NCEH1: variants seen among roughly 807,000 people sequenced by gnomAD.
NCEH1 encodes the protein neutral cholesterol ester hydrolase 1.
NCEH1 carries 9 observed loss-of-function variants against 25.4 expected under a neutral mutation model. The observed-to-expected ratio is 0.35, with a 90% CI of 0.21 to 0.62. The LOEUF (loss-of-function observed/expected upper bound fraction) is 0.62. Among genes scored for constraint, NCEH1 ranks in the 20% least tolerant of loss-of-function variants. The pLI is 0.72. For synonymous variants in NCEH1, 200 were observed against 199.8 expected (o/e 1.00, Z -0.01); for missense variants, 412 against 501.1 (o/e 0.82, Z 1.70).
chr3:172,661,868 T>C lies in NCEH1; in HGVS notation c.139-13754A>G, dbSNP rs182957324. ...ATTTGCTTATCAGCTTAAGGAGATT[T>C]TGGGCTGAGATGATGGGGTTTTCTA... On this transcript the variant is annotated intron_variant, in intron 1 of 4. Coordinates refer to ENST00000475381, the MANE Select transcript of NCEH1 (RefSeq NM_020792.6). Among the ~76,000 whole-genome samples, 1,509 of 152,300 alleles carry C rather than the reference T, an allele frequency of 9.9e-3. 8 individuals carry two copies. The highest frequency in any genetic ancestry group is 0.015 in the Non-Finnish European group (1,013 of 68,010).
intron 2 of NCEH1, 120 bp downstream of exon 2, chr3:172,647,766 C>T (rs1295872009): frequency 3.3e-5 from 45 of 1,365,914 alleles, no homozygotes; most frequent in Admixed American, 6.6e-5. Flanking sequence ...TAACTGGGAC[C>T]ATCCAGGGGA....
intron 1 of NCEH1, among the ~76,000 whole-genome samples, chr3:172,676,193 T>C (rs949576785): frequency 1.3e-5 from 2 of 152,164 alleles, no homozygotes; most frequent in Non-Finnish European, 2.9e-5. Flanking sequence ...AGAGAGAGGC[T>C]AAAAGGAGTT....
intron 1 of NCEH1, among the ~76,000 whole-genome samples, chr3:172,659,849 T>C (rs1717886194): frequency 6.6e-6 from 1 of 152,304 alleles, no homozygotes; most frequent in African/African-American, 2.4e-5. Context: ...CCTTCAGCTC[T>C]TCCTCAACAG....
chr3:172,660,584 T>C (rs1336096270), intron 1 of NCEH1, among the ~76,000 whole-genome samples: 2 of 152,254 alleles, frequency 1.3e-5, no homozygotes, highest in Non-Finnish European at 2.9e-5. Context: ...TAGTTTACAC[T>C]TCCACCCACA....
chr3:172,662,618 T>G (rs1266428517), intron 1 of NCEH1, among the ~76,000 whole-genome samples: 2 of 152,252 alleles, frequency 1.3e-5, no homozygotes, highest in Non-Finnish European at 2.9e-5. Flanking sequence ...GTTGGTAGGC[T>G]ATTAATTATT....
intron 1 of NCEH1, among the ~76,000 whole-genome samples, chr3:172,687,795 GT>G (rs1171733029): frequency 6.6e-6 from 1 of 152,152 alleles, no homozygotes; most frequent in East Asian, 1.9e-4. Flanking sequence ...GTTAAAAAAT[GT>G]TTAATATGCA....
At chr3:172,706,907 G>GT (rs894801316) in intron 1 of NCEH1, among the ~76,000 whole-genome samples, 7 of 151,680 alleles carry the variant, frequency 4.6e-5, no homozygotes, top group Admixed American at 2.6e-4. Flanking sequence ...ACAAGTTTTT[G>GT]TTTTTTTTCT....
chr3:172,653,576 A>G (rs756507218), intron 1 of NCEH1, among the ~76,000 whole-genome samples: 14 of 152,172 alleles, frequency 9.2e-5, no homozygotes, highest in Admixed American at 5.9e-4. Flanking sequence ...TCAGAGAAGA[A>G]AGGAATTACC....
chr3:172,655,345 G>A (rs981249822), intron 1 of NCEH1, among the ~76,000 whole-genome samples: 11 of 152,182 alleles, frequency 7.2e-5, no homozygotes, highest in South Asian at 2.1e-4. Flanking sequence ...ACGCCTCAGT[G>A]GAACCGGACA....
rs1394387819 is a variant in NCEH1 at position 172,631,283 on chromosome 3, C to G, written c.*2192G>C. On this transcript the variant is annotated 3_prime_UTR_variant, in exon 5 of 5. Transcript: ENST00000475381. The stretch of plus-strand genomic sequence containing the variant: ...TTTCTTTTTCTTCGAGACAGACAAC[C>G]TCAAAATAAGGTCCAAATATTGGTT... 1 of 152,152 alleles carries G rather than the reference C, an allele frequency of 6.6e-6. No homozygotes were observed. The highest frequency in any genetic ancestry group is 2.4e-5 in the African/African-American group (1 of 41,428). The allele number at this position is 152,152 out of a possible 1,614,324, so 9.4% of individuals were successfully genotyped here.
chr3:172,648,034 G>A lies in NCEH1; in HGVS notation c.219C>T (p.Ser73=), dbSNP rs146916910. 110 of 1,614,016 alleles carry A rather than the reference G, an allele frequency of 6.8e-5. No individual in the cohort carries two copies. The highest frequency in any genetic ancestry group is 3.3e-4 in the Middle Eastern group (2 of 6,084). The change falls in exon 2 of 5, where the codon AGC becomes AGT. Residue 73 remains serine (S), a synonymous_variant. Transcript: ENST00000475381. ...NFIIVSFGKK[S]AWSSAQVKVT... is the part of the protein sequence containing the mutation. The stretch of plus-strand genomic sequence containing the variant: ...CCTTCACTTGGGCAGAAGACCACGC[G>A]CTTTTTTTGCCAAAAGAAACAATGA...
chr3:172,691,921 T>C (rs868474265), intron 1 of NCEH1, among the ~76,000 whole-genome samples: 1 of 134,256 alleles, frequency 7.4e-6, no homozygotes, highest in Admixed American at 9.0e-5. Context: ...CACTCCAGCC[T>C]GGGCGACAGA....
At chr3:172,663,405 T>C (rs1718057081) in intron 1 of NCEH1, among the ~76,000 whole-genome samples, 1 of 152,216 alleles carries the variant, frequency 6.6e-6, no homozygotes, top group Non-Finnish European at 1.5e-5. Flanking sequence ...TTGGAATGAG[T>C]GCAATGTGGT....
intron 1 of NCEH1, among the ~76,000 whole-genome samples, chr3:172,674,979 T>C (rs1200379484): frequency 2.0e-5 from 3 of 152,120 alleles, no homozygotes; most frequent in South Asian, 2.1e-4. Context: ...CTCTAAGCTA[T>C]GAAAAAAAGG....
intron 3 of NCEH1, among the ~76,000 whole-genome samples, chr3:172,641,597 C>T (rs761482248): frequency 2.6e-5 from 4 of 152,236 alleles, no homozygotes; most frequent in African/African-American, 4.8e-5. Flanking sequence ...GCTGCTGGCT[C>T]CAGACAGCCT....
At chr3:172,666,778 T>C (rs544353995) in intron 1 of NCEH1, among the ~76,000 whole-genome samples, 2 of 152,218 alleles carry the variant, frequency 1.3e-5, no homozygotes, top group Non-Finnish European at 2.9e-5. Flanking sequence ...TTTCCTGGTT[T>C]CTCTGTCTGC....
intron 3 of NCEH1, among the ~76,000 whole-genome samples, chr3:172,642,074 A>G (rs234003): frequency 0.38 from 57,884 of 152,026 alleles, 11,001 homozygotes; most frequent in Non-Finnish European, 0.4. Flanking sequence ...CACGGTAACT[A>G]GCACAAAACA....
chr3:172,693,118 T>G (rs540869032), intron 1 of NCEH1, among the ~76,000 whole-genome samples: 2 of 152,350 alleles, frequency 1.3e-5, no homozygotes, highest in East Asian at 1.9e-4. Context: ...TGTTTGGGAT[T>G]GTCTACATCT....
chr3:172,677,231 T>G (rs1194251224), intron 1 of NCEH1, among the ~76,000 whole-genome samples: 1 of 152,230 alleles, frequency 6.6e-6, no homozygotes, highest in Non-Finnish European at 1.5e-5. Context: ...GTTAATCTTC[T>G]GCTTTTTACA....
Sources: allele counts gnomAD v4.1 joint callset (sites outside exome capture counted in the v4.1 genomes callset), GRCh38; gene constraint gnomAD v4.1.1; transcripts MANE v1.5; gene names NCBI Gene and HGNC (gene_info 2026-07-23, HGNC 2026-07-21).